Variants in KIF13B observed in about 807,000 individuals in gnomAD.
KIF13B encodes the protein kinesin-like protein KIF13B.
KIF13B carries 127 observed loss-of-function variants against 222.0 expected under a neutral mutation model. The observed-to-expected ratio is 0.57, with a 90% CI of 0.50 to 0.66. The LOEUF (loss-of-function observed/expected upper bound fraction) is 0.66, where lower values mean the gene tolerates loss of function less well. KIF13B is among the 30% of genes least tolerant of loss of function. The pLI is 0.00. For missense variants in KIF13B, 2,173 were observed against 2,379.0 expected (o/e 0.91, Z 1.80); for synonymous variants, 976 against 919.0 (o/e 1.06, Z -1.12).
intron 2 of KIF13B, 58 bp from the exon 3 acceptor site, chr8:29,196,257 AAAATTTAG>A: frequency 6.7e-7 from 1 of 1,489,092 alleles, no homozygotes; most frequent in Non-Finnish European, 9.0e-7. Context: ...AAAAAAAAAA[AAAATTTAG>A]TTTAGAAGAC....
chr8:29,155,910 T>A (rs913678070), intron 13 of KIF13B, 54 bp from the exon 14 acceptor site: 33 of 1,380,384 alleles, frequency 2.4e-5, no homozygotes, highest in Non-Finnish European at 3.1e-5. Context: ...TATACACAAT[T>A]GAAATCATTT....
intron 13 of KIF13B, among the ~76,000 whole-genome samples, chr8:29,156,522 T>A (rs752575820): frequency 1.3e-5 from 2 of 151,970 alleles, no homozygotes; most frequent in Non-Finnish European, 2.9e-5. Flanking sequence ...TTTATTTATT[T>A]ATTTATTTTT....
At chr8:29,114,669 T>A (rs891972612) in intron 31 of KIF13B, among the ~76,000 whole-genome samples, 8 of 152,184 alleles carry the variant, frequency 5.3e-5, no homozygotes, top group African/African-American at 1.9e-4. Context: ...ATGAAATATC[T>A]GAAATTGAGA....
intron 1 of KIF13B, among the ~76,000 whole-genome samples, chr8:29,257,573 A>C (rs970725244): frequency 1.4e-4 from 22 of 152,202 alleles, no homozygotes; most frequent in Admixed American, 9.8e-4. Flanking sequence ...ATTGTATTTT[A>C]TATTATAAAT....
chr8:29,112,262 G>A (rs548922279), intron 32 of KIF13B, among the ~76,000 whole-genome samples: 5 of 152,082 alleles, frequency 3.3e-5, no homozygotes, highest in East Asian at 1.9e-4. Flanking sequence ...GTGAAATCCC[G>A]TCTCTACTTA....
intron 2 of KIF13B, among the ~76,000 whole-genome samples, chr8:29,238,823 A>G (rs1034433775): frequency 1.3e-5 from 2 of 152,076 alleles, no homozygotes; most frequent in African/African-American, 4.8e-5. Flanking sequence ...AATGCTTTCA[A>G]CCTCCAAACG....
intron 4 of KIF13B, 88 bp downstream of exon 4, chr8:29,190,909 G>A (rs1184536440): frequency 8.3e-6 from 8 of 961,262 alleles, no homozygotes; most frequent in African/African-American, 1.6e-5. Context: ...CACAGTTTGG[G>A]GGGTTTGCCA....
chr8:29,250,182 G>A (rs1019903459), intron 1 of KIF13B: 26 of 517,316 alleles, frequency 5.0e-5, no homozygotes, highest in Non-Finnish European at 7.8e-5. Context: ...AGAACATTTC[G>A]TCTGCACAGA....
At chr8:29,226,517 G>A (rs1482654751) in intron 2 of KIF13B, among the ~76,000 whole-genome samples, 5 of 152,110 alleles carry the variant, frequency 3.3e-5, no homozygotes, top group African/African-American at 1.2e-4. Context: ...AAGCCCATGG[G>A]TGTCCGCTCC....
chr8:29,186,524 A>T lies in KIF13B; in HGVS notation c.317-52T>A, dbSNP rs1002420367. ...ATTGTCTCTTTGAGACGTTAAATAC[A>T]TAACCCTCTTTCCGTTGCTCATAAT... On this transcript the variant is annotated intron_variant, in intron 5 of 39. Transcript: ENST00000524189. 10 of 1,451,892 alleles carry T rather than the reference A, an allele frequency of 6.9e-6. No individual in the cohort carries two copies. In the Admixed American group the frequency reaches 2.1e-4, roughly 31 times the overall value. The allele number at this position is 1,451,892 out of a possible 1,614,324, so 89.9% of individuals were successfully genotyped here.
intron 35 of KIF13B, among the ~76,000 whole-genome samples, chr8:29,107,516 G>A (rs945235323): frequency 2.0e-5 from 3 of 151,290 alleles, no homozygotes; most frequent in South Asian, 2.1e-4. Flanking sequence ...TGACAAGAGC[G>A]AAACATCATC....
chr8:29,138,588 A>G (rs934153385), intron 21 of KIF13B: 1 of 152,192 alleles, frequency 6.6e-6, no homozygotes, highest in Non-Finnish European at 1.5e-5. Context: ...GTGGCTCCTG[A>G]TGGAAGAACG....
intron 14 of KIF13B, among the ~76,000 whole-genome samples, chr8:29,151,193 C>G (rs1207669063): frequency 6.6e-6 from 1 of 152,200 alleles, no homozygotes; most frequent in Non-Finnish European, 1.5e-5. Flanking sequence ...AAACCCTAAC[C>G]CAGAGCAAGG....
At chr8:29,192,442 G>A (rs1186282057) in intron 3 of KIF13B, among the ~76,000 whole-genome samples, 5 of 152,054 alleles carry the variant, frequency 3.3e-5, no homozygotes, top group African/African-American at 9.7e-5. Context: ...GTAGAGATGG[G>A]GTCTCACTAT....
At chr8:29,085,942 C>A (rs1808034633) in intron 37 of KIF13B, among the ~76,000 whole-genome samples, 1 of 150,686 alleles carries the variant, frequency 6.6e-6, no homozygotes, top group African/African-American at 2.4e-5. Context: ...AATTTCATTT[C>A]TATGGCCCTA....
chr8:29,153,960 C>G (rs1161365776), intron 14 of KIF13B, among the ~76,000 whole-genome samples: 3 of 152,194 alleles, frequency 2.0e-5, no homozygotes, highest in African/African-American at 7.2e-5. Context: ...TGCATACATG[C>G]AAAATTTTAT....
chr8:29,164,645 G>C (rs956169828), intron 12 of KIF13B, among the ~76,000 whole-genome samples: 2 of 152,100 alleles, frequency 1.3e-5, no homozygotes, highest in South Asian at 4.1e-4. Context: ...TGATTCAATC[G>C]CTACTACTGG....
chr8:29,254,602 A>G (rs1816404364), intron 1 of KIF13B, among the ~76,000 whole-genome samples: 1 of 152,230 alleles, frequency 6.6e-6, no homozygotes, highest in African/African-American at 2.4e-5. Context: ...CCACAATCAG[A>G]TACCACCTCA....
Position 29,108,134 on chromosome 8 carries a change from C to G in KIF13B, c.4215+5G>C. ...AACACTGATAGAAATAGTTAAAACACCTACCTTGTTGCTGCCTAGACTGTA... is the reference window on the plus strand; with the variant it reads ...AACACTGATAGAAATAGTTAAAACAGCTACCTTGTTGCTGCCTAGACTGTA... On this transcript the variant is annotated splice_donor_5th_base_variant and intron_variant, in intron 35 of 39. Transcript: ENST00000524189. 6.2e-7 allele frequency: 1 copy of G among 1,608,014 alleles called. No homozygotes were observed. The highest frequency in any genetic ancestry group is 8.5e-7 in the Non-Finnish European group (1 of 1,176,504).
Sources: gnomAD v4.1 joint callset for allele counts (sites outside exome capture counted in the v4.1 genomes callset) on GRCh38, gnomAD v4.1.1 for gene constraint, MANE v1.5 for transcripts, NCBI Gene and HGNC (gene_info 2026-07-23, HGNC 2026-07-21) for gene names.